Variants in HYCC2 observed in about 807,000 individuals in gnomAD.
The protein encoded by HYCC2 is hyccin 2.
chr2:200,997,515 G>A, the HYCC2 span: 2 of 1,612,894 alleles, frequency 1.2e-6, no homozygotes, highest in African/African-American at 1.3e-5. Flanking sequence ...TTATAACACA[G>A]CATGAGAAAA....
the HYCC2 span, chr2:201,045,386 C>CTG: frequency 2.5e-6 from 1 of 393,674 alleles, no homozygotes; most frequent in East Asian, 3.6e-5. Context: ...TTAGGTAAAA[C>CTG]TGCTCAATAA....
chr2:200,988,480 C>T, the HYCC2 span: 7 of 1,259,438 alleles, frequency 5.6e-6, no homozygotes, highest in Non-Finnish European at 7.8e-6. Flanking sequence ...TTTGTTTATA[C>T]TACATGTGTC....
the HYCC2 span, chr2:200,997,097 C>A: frequency 6.0e-6 from 1 of 167,924 alleles, no homozygotes; most frequent in Non-Finnish European, 1.3e-5. Context: ...GACCCTTTCT[C>A]TACAAAAATT....
At chr2:201,018,131 A>C in the HYCC2 span, among the ~76,000 whole-genome samples, 709 of 152,244 alleles carry the variant, frequency 4.7e-3, 4 homozygotes, top group African/African-American at 0.016. Context: ...TTTTCATACG[A>C]TATCACACAA....
At chr2:201,001,068 G>A in the HYCC2 span, among the ~76,000 whole-genome samples, 1 of 151,392 alleles carries the variant, frequency 6.6e-6, no homozygotes, top group Non-Finnish European at 1.5e-5. Context: ...AACCCAGGAG[G>A]CAGAGGGTGC....
chr2:201,048,721 G>T, the HYCC2 span, among the ~76,000 whole-genome samples: 3 of 152,062 alleles, frequency 2.0e-5, no homozygotes, highest in African/African-American at 4.8e-5. Flanking sequence ...TTCAGAGAAA[G>T]ATTTAGAATT....
At chr2:201,017,582 G>A in the HYCC2 span, among the ~76,000 whole-genome samples, 1 of 152,124 alleles carries the variant, frequency 6.6e-6, no homozygotes, top group African/African-American at 2.4e-5. Context: ...CTGAGACTAT[G>A]ATTTAAGCAA....
chr2:200,988,763 G>A, the HYCC2 span, among the ~76,000 whole-genome samples: 123 of 152,284 alleles, frequency 8.1e-4, no homozygotes, highest in Non-Finnish European at 1.3e-3. Flanking sequence ...ATAAACATTA[G>A]GATGTTCTCC....
At chr2:201,066,884 C>T in the HYCC2 span, 1 of 160,202 alleles carries the variant, frequency 6.2e-6, no homozygotes, top group African/African-American at 2.4e-5. Context: ...CACTGCAGCC[C>T]CATAGGCAGC....
chr2:201,013,083 C>A, the HYCC2 span, among the ~76,000 whole-genome samples: 1 of 152,076 alleles, frequency 6.6e-6, no homozygotes, highest in Non-Finnish European at 1.5e-5. Flanking sequence ...TATTAGCATA[C>A]ATCACTGGCA....
the HYCC2 span, among the ~76,000 whole-genome samples, chr2:201,066,453 T>A: frequency 6.6e-6 from 1 of 152,134 alleles, no homozygotes; most frequent in Non-Finnish European, 1.5e-5. Flanking sequence ...TCCCCACACC[T>A]TTTTTCATTT....
At chr2:201,005,016 CAAAAAAA>C in the HYCC2 span, among the ~76,000 whole-genome samples, 1 of 56,606 alleles carries the variant, frequency 1.8e-5, no homozygotes, top group Non-Finnish European at 3.6e-5. Context: ...GACTCCATCT[CAAAAAAA>C]AAAAAAAAAA....
chr2:200,981,981 T>C, the HYCC2 span: 3 of 1,185,828 alleles, frequency 2.5e-6, no homozygotes, highest in Non-Finnish European at 3.5e-6. This position sits in a 1 kb window ranked among gnomAD's most constrained non-coding sequence, Gnocchi z 4.5. Flanking sequence ...AGGTTGTCAA[T>C]GGCCCTACTA....
At chr2:201,066,576 CCT>C in the HYCC2 span, 1 of 152,158 alleles carries the variant, frequency 6.6e-6, no homozygotes, top group East Asian at 1.9e-4. Context: ...ATCTAACTTG[CCT>C]CTCTCATCCA....
the HYCC2 span, among the ~76,000 whole-genome samples, chr2:201,047,633 C>A: frequency 6.6e-6 from 1 of 150,384 alleles, no homozygotes. Context: ...AAAATTCTAC[C>A]CAGGATGCCG....
chr2:201,049,841 A>T, the HYCC2 span, among the ~76,000 whole-genome samples: 1 of 152,114 alleles, frequency 6.6e-6, no homozygotes, highest in East Asian at 1.9e-4. Context: ...CTGGAAAATT[A>T]AAATTACATT....
the HYCC2 span, chr2:200,988,254 G>C: frequency 6.2e-7 from 1 of 1,601,544 alleles, no homozygotes; most frequent in Non-Finnish European, 8.5e-7. Context: ...TGGGGATTTT[G>C]TACTCACCTT....
the HYCC2 span, among the ~76,000 whole-genome samples, chr2:201,030,740 A>T: frequency 6.6e-6 from 1 of 152,004 alleles, no homozygotes; most frequent in Admixed American, 6.6e-5. Context: ...CACCACACCC[A>T]GCTAATTTTT....
chr2:201,068,948 T>C, the HYCC2 span, among the ~76,000 whole-genome samples: 1 of 152,080 alleles, frequency 6.6e-6, no homozygotes, highest in African/African-American at 2.4e-5. Context: ...CCACAGACGA[T>C]GACAGACAAA....
Sources: allele counts gnomAD v4.1 joint callset (sites outside exome capture counted in the v4.1 genomes callset), GRCh38; gene constraint gnomAD v4.1.1; non-coding constraint Gnocchi (gnomAD v3.1); transcripts MANE v1.5; gene names NCBI Gene and HGNC (gene_info 2026-07-23, HGNC 2026-07-21).